CDYL: variants seen among roughly 807,000 people sequenced by gnomAD.
CDYL encodes chromodomain Y-like protein.
A neutral mutation model predicts 47.3 loss-of-function variants in CDYL; 8 were observed. The observed-to-expected ratio is 0.17, with a 90% CI of 0.10 to 0.31. The LOEUF is 0.31. Among genes scored for constraint, CDYL ranks in the 10% least tolerant of loss-of-function variants. The pLI, the probability that CDYL is intolerant of heterozygous loss-of-function variation, is 1.00. For synonymous variants in CDYL, 266 were observed against 265.0 expected (o/e 1.00, Z -0.04); for missense variants, 471 against 701.4 (o/e 0.67, Z 3.71).
upstream of CDYL, among the ~76,000 whole-genome samples, chr6:4,773,875 C>CA (rs150575578): frequency 3.5e-4 from 54 of 152,326 alleles, no homozygotes; most frequent in East Asian, 6.6e-3. The surrounding 1 kb of genome is among the most constrained non-coding windows in gnomAD (Gnocchi z 4.6). Context: ...CGTAAATTGA[C>CA]AAAGGTCTAT....
In CDYL at chr6:4,870,267, G is replaced by C. The variant is rs572575862; in HGVS notation, c.25-21446G>C. Among the ~76,000 whole-genome samples the C allele has an allele frequency of 5.9e-5, 9 of 152,246 alleles. No homozygotes were observed. In the South Asian group the frequency reaches 1.5e-3, roughly 25 times the overall value. On this transcript the variant is annotated intron_variant, in intron 1 of 6. Transcript: ENST00000397588. ...GCCTTGTCTTCATTTTTGAAGAATAGTTTTGCTAAATATAGAATTATTGAT... is the reference window on the plus strand; with the variant it reads ...GCCTTGTCTTCATTTTTGAAGAATACTTTTGCTAAATATAGAATTATTGAT...
chr6:4,790,625 G>A (rs756524078), intron 1 of CDYL, among the ~76,000 whole-genome samples: 1 of 152,200 alleles, frequency 6.6e-6, no homozygotes, highest in African/African-American at 2.4e-5. Context: ...GCTTATGGAA[G>A]TAGAATAGGA....
intron 1 of CDYL, among the ~76,000 whole-genome samples, chr6:4,821,631 G>T (rs1392696672): frequency 6.6e-6 from 1 of 151,982 alleles, no homozygotes; most frequent in Non-Finnish European, 1.5e-5. Context: ...TATTCAGGAG[G>T]CTGAGGCATG....
chr6:4,922,346 A>G (rs755515594), intron 2 of CDYL, among the ~76,000 whole-genome samples: 1 of 152,250 alleles, frequency 6.6e-6, no homozygotes, highest in Non-Finnish European at 1.5e-5. Flanking sequence ...TTGGTGAAGA[A>G]TAAAACAAAG....
At chr6:4,743,927 C>T (rs886477210) in intron 3 of CDYL, among the ~76,000 whole-genome samples, 10 of 152,172 alleles carry the variant, frequency 6.6e-5, no homozygotes, top group Non-Finnish European at 1.5e-4. Context: ...AAAATACCTA[C>T]AGGTGAGTGT....
At chr6:4,857,410 C>G (rs1028064041) in intron 1 of CDYL, among the ~76,000 whole-genome samples, 1 of 152,178 alleles carries the variant, frequency 6.6e-6, no homozygotes, top group Non-Finnish European at 1.5e-5. Flanking sequence ...AAATGTTGCT[C>G]TAGGGGAGGA....
intron 2 of CDYL, among the ~76,000 whole-genome samples, chr6:4,722,423 C>T (rs911596487): frequency 4.6e-5 from 7 of 152,026 alleles, no homozygotes; most frequent in African/African-American, 1.4e-4. Flanking sequence ...TAAAAAAACA[C>T]AAAAACTAAT....
At position 4,891,907 on chromosome 6, in the gene CDYL, G is replaced by A. The variant is rs1398289550; in HGVS notation, c.219G>A (p.Arg73=). The change falls in exon 2 of 7, where the codon AGG becomes AGA. Residue 73 remains arginine, a synonymous_variant. Transcript: ENST00000397588. ...AGAGCACATTGACCAGAACAAACAG[G>A]ACCTCTCCCAACAATGCTAGGAAAC... ...QKESTLTRTN[R]TSPNNARKQI... The A allele has an allele frequency of 1.2e-6, 2 of 1,613,922 alleles. No homozygotes were observed. The highest frequency in any genetic ancestry group is 3.3e-5 in the Admixed American group (2 of 59,990).
rs1243887503 is a variant in CDYL, at chr6:4,864,948, A to G, written c.25-26765A>G. ...GAACTATAGAAAAAGCAAGAGTGTT[A>G]GAGTGAACTCCAAGTTTCTCTTCAA... On this transcript the variant is annotated intron_variant, in intron 1 of 6. Transcript: ENST00000397588. Among the ~76,000 whole-genome samples, 3 of 152,374 alleles carry G rather than the reference A, an allele frequency of 2.0e-5. No individual in the cohort carries two copies. The South Asian group carries it at 6.2e-4, about 32-fold the overall frequency.
At chr6:4,725,022 G>T (rs1757480710) in intron 2 of CDYL, 1 of 152,092 alleles carries the variant, frequency 6.6e-6, no homozygotes, top group Admixed American at 6.6e-5. Flanking sequence ...GTACTGATTG[G>T]TGCCTTTACA....
At chr6:4,760,945 T>G (rs529568680) in intron 3 of CDYL, among the ~76,000 whole-genome samples, 25 of 152,096 alleles carry the variant, frequency 1.6e-4, no homozygotes, top group Admixed American at 6.6e-4. Flanking sequence ...CTTGTCCTAT[T>G]CCTTGTAGTG....
chr6:4,835,531 C>T (rs111230357), intron 1 of CDYL, among the ~76,000 whole-genome samples: 1 of 152,238 alleles, frequency 6.6e-6, no homozygotes, highest in Non-Finnish European at 1.5e-5. Context: ...GGTCAGGGAC[C>T]CACTTGAGGA....
intron 2 of CDYL, among the ~76,000 whole-genome samples, chr6:4,925,653 T>A (rs2127512692): frequency 6.6e-6 from 1 of 152,236 alleles, no homozygotes; most frequent in East Asian, 1.9e-4. Context: ...CCTGCCCTCG[T>A]GATCCGCCCA....
chr6:4,838,242 T>C (rs1760381607), intron 1 of CDYL, among the ~76,000 whole-genome samples: 1 of 152,190 alleles, frequency 6.6e-6, no homozygotes, highest in Non-Finnish European at 1.5e-5. Flanking sequence ...TCTGAGATTT[T>C]GGTGCACCCA....
At chr6:4,799,743 T>G (rs1469443988) in intron 1 of CDYL, among the ~76,000 whole-genome samples, 2 of 152,238 alleles carry the variant, frequency 1.3e-5, no homozygotes, top group African/African-American at 2.4e-5. Context: ...CCAGCCAAGA[T>G]CTCTCATCTC....
chr6:4,902,270 G>T (rs1487993187), intron 2 of CDYL, among the ~76,000 whole-genome samples: 2 of 152,036 alleles, frequency 1.3e-5, no homozygotes, highest in African/African-American at 4.8e-5. Flanking sequence ...GCCGGGCGTG[G>T]TGGCGCATGC....
intron 1 of CDYL, among the ~76,000 whole-genome samples, chr6:4,846,544 A>T (rs550641301): frequency 1.3e-5 from 2 of 152,192 alleles, no homozygotes; most frequent in South Asian, 4.2e-4. Context: ...AGTGCTGGAG[A>T]GGGAGCTGTT....
upstream of CDYL, among the ~76,000 whole-genome samples, chr6:4,771,907 T>C (rs1758343483): frequency 6.6e-6 from 1 of 152,254 alleles, no homozygotes; most frequent in Admixed American, 6.5e-5. Context: ...GGAATACCTG[T>C]GCCTATTTCC....
intron 1 of CDYL, among the ~76,000 whole-genome samples, chr6:4,865,626 G>A (rs1761299535): frequency 6.6e-6 from 1 of 152,070 alleles, no homozygotes; most frequent in African/African-American, 2.4e-5. Context: ...AATCCGAATA[G>A]GTAAAAAAGG....
Sources: allele counts gnomAD v4.1 joint callset (sites outside exome capture counted in the v4.1 genomes callset), GRCh38; gene constraint gnomAD v4.1.1; non-coding constraint Gnocchi (gnomAD v3.1); transcripts MANE v1.5; gene names NCBI Gene and HGNC (gene_info 2026-07-23, HGNC 2026-07-21).